TPI1: variants seen among roughly 807,000 people sequenced by gnomAD.
The protein encoded by TPI1 is triosephosphate isomerase 1.
In TPI1, 11 loss-of-function variants were observed where a neutral mutation model predicts 31.0. That is an observed-to-expected ratio of 0.36 (90% confidence interval 0.22 to 0.59). The LOEUF (loss-of-function observed/expected upper bound fraction) is 0.59, where lower values mean the gene tolerates loss of function less well. Ranked by LOEUF, TPI1 falls within the 20% of genes least tolerant of loss-of-function variation. TPI1 has a pLI of 0.79. For missense variants in TPI1, 245 were observed against 319.7 expected (o/e 0.77, Z 1.78); for synonymous variants, 121 against 122.8 (o/e 0.99, Z 0.10).
Position 6,870,947 on chromosome 12 carries a change from C to A in TPI1, c.*564C>A. ...AAACAAGAACAGGTTTCTATAACAA[C>A]ATCTCTTACTATTTTTACTTGAAAA... On this transcript the variant is annotated 3_prime_UTR_variant, in exon 7 of 7. Transcript: ENST00000396705. The A allele has an allele frequency of 1.5e-6, 1 of 657,000 alleles. No homozygotes were observed. Among genetic ancestry groups the A allele is most frequent in the Non-Finnish European group, 2.8e-6 (1 of 362,560 alleles). The allele number at this position is 657,000 out of a possible 1,614,324, so 40.7% of individuals were successfully genotyped here. A position where few individuals can be genotyped will look rare whatever the true frequency, so the allele number is the denominator to read the frequency against.
At position 6,870,045 on chromosome 12, in the gene TPI1, C is replaced by G. The variant is rs909241229; in HGVS notation, c.544-4C>G. ...GTCTTACTTAGGCCAGCTTCTTGTT[C>G]TAGGCCCAGGAAGTACACGAGAAGC... On this transcript the variant is annotated splice_region_variant and splice_polypyrimidine_tract_variant and intron_variant, in intron 5 of 6. Coordinates refer to ENST00000396705, the MANE Select transcript of TPI1 (RefSeq NM_000365.6). 5.0e-6 allele frequency: 8 copies of G among 1,606,876 alleles called. No homozygotes were observed. In the Admixed American group the frequency reaches 1.2e-4, roughly 23 times the overall value.
upstream of TPI1, chr12:6,867,519 C>A: frequency 6.3e-7 from 1 of 1,593,772 alleles, no homozygotes; most frequent in South Asian, 1.1e-5. Context: ...TGGGCAGTGG[C>A]CGCGACTGCG....
intron 1 of TPI1, 82 bp from the exon 2 acceptor site, chr12:6,868,782 G>A (rs1555131992): frequency 2.6e-6 from 4 of 1,544,324 alleles, no homozygotes; most frequent in African/African-American, 2.7e-5. Context: ...AGGGCTGGGG[G>A]GCTCCAGGGC....
intron 1 of TPI1, chr12:6,868,311 C>T (rs778992615): frequency 1.6e-6 from 2 of 1,287,654 alleles, no homozygotes; most frequent in South Asian, 2.5e-5. Flanking sequence ...CGCAAGGCCT[C>T]TGAGTCAGTT....
In TPI1 at chr12:6,867,575, C is replaced by G; in HGVS notation, c.9C>G (p.Pro3=). MA[P]SRKFFVGGNW... ...GCCTCGGCTCCAGCGCCATGGCGCC[C>G]TCCAGGAAGTTCTTCGTTGGGGGAA... The change falls in exon 1 of 7, where the codon CCC becomes CCG. Residue 3 remains proline (P), a synonymous_variant. Transcript: ENST00000396705. 6 of 1,612,640 alleles carry G rather than the reference C, an allele frequency of 3.7e-6. No homozygotes were observed. Among genetic ancestry groups the G allele is most frequent in the Non-Finnish European group, 5.1e-6 (6 of 1,179,672 alleles).
At chr12:6,867,958 G>C in intron 1 of TPI1, 1 of 831,044 alleles carries the variant, frequency 1.2e-6, no homozygotes, top group Admixed American at 4.1e-5. Flanking sequence ...CCCGGGGCGC[G>C]CACTGGGGCT....
chr12:6,870,348 C>T lies in TPI1; in HGVS notation c.715C>T (p.Pro239Ser), dbSNP rs782349793. 1 of 1,614,024 alleles carries T rather than the reference C, an allele frequency of 6.2e-7. No homozygotes were observed. ...CCTTGTGGGTGGTGCTTCCCTCAAG[C>T]CCGAATTCGTGGACATCATCAATGC... ...GFLVGGASLK[P>S]EFVDIINAKQ Residue 239 changes from proline (P) to serine (S), a missense_variant, in exon 7 of 7, where the codon CCC (proline) becomes TCC (serine). This residue lies in a region of TPI1 where 127 missense variants were observed against 163.7 expected (regional missense o/e 0.78). Coordinates refer to ENST00000396705, the MANE Select transcript of TPI1 (RefSeq NM_000365.6).
In TPI1 at chr12:6,870,663, G is replaced by T. The variant is rs1944568090; in HGVS notation, c.*280G>T. 1 of 626,688 alleles carries T rather than the reference G, an allele frequency of 1.6e-6. No homozygotes were observed. Among genetic ancestry groups the T allele is most frequent in the South Asian group, 1.4e-5 (1 of 72,426 alleles). The allele number at this position is 626,688 out of a possible 1,614,324, so 38.8% of individuals were successfully genotyped here. The stretch of plus-strand genomic sequence containing the variant: ...AAGGCGTGGTGGGATTTGCTCCTGG[G>T]TTCCCTAGGCCCTAGTGAGGGCAGA... On this transcript the variant is annotated 3_prime_UTR_variant, in exon 7 of 7. Coordinates refer to ENST00000396705, the MANE Select transcript of TPI1 (RefSeq NM_000365.6).
intron 2 of TPI1, 46 bp downstream of exon 2, chr12:6,869,033 TC>T (rs1396206380): frequency 1.9e-6 from 3 of 1,614,178 alleles, no homozygotes; most frequent in Non-Finnish European, 8.5e-7. Context: ...TCCCTCACTT[TC>T]CTCGTTGAGG....
Position 6,867,645 on chromosome 12 carries a change from G to C in TPI1, c.79G>C (p.Gly27Arg), listed in dbSNP as rs1591614894. The C allele has an allele frequency of 1.2e-6, 2 of 1,611,788 alleles. No individual in the cohort carries two copies. Among genetic ancestry groups the C allele is most frequent in the Non-Finnish European group, 1.7e-6 (2 of 1,179,346 alleles). The change falls in exon 1 of 7, where the codon GGC becomes CGC. Residue 27 changes from glycine (G) to arginine (R), a missense_variant. Coordinates refer to ENST00000396705, the MANE Select transcript of TPI1 (RefSeq NM_000365.6). ...GRKQSLGELI[G>R]TLNAAKVPAD... ...GAAGCAGAGTCTGGGGGAGCTCATC[G>C]GCACTCTGAACGCGGCCAAGGTGCC...
In TPI1 at chr12:6,868,901, C is replaced by T. The variant is rs781883266; in HGVS notation, c.153C>T (p.Phe51=). ...CTCCCCCTACTGCCTATATCGACTT[C>T]GCCCGGCAGAAGCTAGATCCCAAGA... ...VCAPPTAYID[F]ARQKLDPKIA... Residue 51 remains phenylalanine, a synonymous_variant, in exon 2 of 7, where the codon TTC becomes TTT. Transcript: ENST00000396705. 1.7e-5 allele frequency: 27 copies of T among 1,613,840 alleles called. No homozygotes were observed. Among genetic ancestry groups the T allele is most frequent in the African/African-American group, 4.0e-5 (3 of 74,918 alleles).
Position 6,870,117 on chromosome 12 carries a change from C to T in TPI1, c.612C>T (p.Ser204=), listed in dbSNP as rs1315803122. The T allele has an allele frequency of 1.9e-6, 3 of 1,614,116 alleles. No individual in the cohort carries two copies. Among genetic ancestry groups the T allele is most frequent in the East Asian group, 4.5e-5 (2 of 44,886 alleles). Residue 204 remains serine, a synonymous_variant, in exon 6 of 7, where the codon AGC becomes AGT. Transcript: ENST00000396705. ...ACGTCTCTGATGCGGTGGCTCAGAG[C>T]ACCCGTATCATTTATGGAGGTGAGT... The part of the protein sequence containing the change: ...KSNVSDAVAQ[S]TRIIYGGSVT...
rs1944529088 is a variant in TPI1, at chr12:6,869,273, G to A, written c.340G>A (p.Val114Met). The A allele has an allele frequency of 5.0e-6, 8 of 1,614,104 alleles. No individual in the cohort carries two copies. The highest frequency in any genetic ancestry group is 6.8e-6 in the Non-Finnish European group (8 of 1,179,940). ...GESDELIGQK[V>M]AHALAEGLGV... Reference sequence around the variant, plus strand: ...TTCTCAACAGCTGATTGGGCAGAAAGTGGCCCATGCTCTGGCAGAGGGACT... The same window carrying A: ...TTCTCAACAGCTGATTGGGCAGAAAATGGCCCATGCTCTGGCAGAGGGACT... The change falls in exon 4 of 7, where the codon GTG (valine) becomes ATG (methionine). Residue 114 changes from valine to methionine, a missense_variant. Val to Met is a conservative substitution (Grantham distance 21). This residue lies in a region of TPI1 where 23 missense variants were observed against 59.6 expected (regional missense o/e 0.39). Coordinates refer to ENST00000396705, the MANE Select transcript of TPI1 (RefSeq NM_000365.6).
chr12:6,870,190 C>A, intron 6 of TPI1, 54 bp downstream of exon 6: 2 of 1,596,882 alleles, frequency 1.3e-6, no homozygotes, highest in African/African-American at 1.3e-5. Flanking sequence ...CTAGACTGAG[C>A]CCTCGGACAT....
rs1476694401 is a variant in TPI1, at chr12:6,869,948, TCTGA to T, written c.544-98_544-95del. The T allele has an allele frequency of 2.1e-6, 3 of 1,462,176 alleles. No homozygotes were observed. The Admixed American group carries it at 5.1e-5, about 25-fold the overall frequency. 90.6% of individuals were successfully genotyped at this position (1,462,176 alleles called of 1,614,324 possible). A position where few individuals can be genotyped will look rare whatever the true frequency, so the allele number is the denominator to read the frequency against. The stretch of plus-strand genomic sequence containing the variant: ...CTGGCTTGGATCAGAGCCCTGGTAC[TCTGA>T]CTCAGTCAGAAACCACACTAAGTGT... On this transcript the variant is annotated intron_variant, in intron 5 of 6. Transcript: ENST00000396705.
At chr12:6,870,019 G>T in intron 5 of TPI1, 30 bp from the exon 6 acceptor site, 1 of 1,613,146 alleles carries the variant, frequency 6.2e-7, no homozygotes. Flanking sequence ...AGGCAGAAAA[G>T]GTCTTACTTA....
chr12:6,868,881 C>T lies in TPI1; in HGVS notation c.133C>T (p.Pro45Ser). Residue 45 changes from proline (P) to serine (S), a missense_variant, in exon 2 of 7, where the codon CCT (proline) becomes TCT (serine). Coordinates refer to ENST00000396705, the MANE Select transcript of TPI1 (RefSeq NM_000365.6). Reference protein sequence around the residue: ...PADTEVVCAPPTAYIDFARQK... With the variant: ...PADTEVVCAPSTAYIDFARQK... ...GTCCTCAGAGGTGGTTTGTGCTCCC[C>T]CTACTGCCTATATCGACTTCGCCCG... 5 of 1,613,500 alleles carry T rather than the reference C, an allele frequency of 3.1e-6. No individual in the cohort carries two copies. The highest frequency in any genetic ancestry group is 4.2e-6 in the Non-Finnish European group (5 of 1,179,862).
intron 4 of TPI1, 107 bp downstream of exon 4, chr12:6,869,497 GAA>G: frequency 6.4e-7 from 1 of 1,563,970 alleles, no homozygotes; most frequent in South Asian, 1.1e-5. Context: ...TCCAGAAAAG[GAA>G]AAAGGGGAGG....
In TPI1 at chr12:6,867,542, C is replaced by G. The variant is rs782763765; in HGVS notation, c.-25C>G. ...GGCCGCGACTGCGCGCAGACACTGA[C>G]CTTCAGCGCCTCGGCTCCAGCGCCA... is the stretch of plus-strand genomic sequence containing the variant. On this transcript the variant is annotated 5_prime_UTR_variant, in exon 1 of 7. Transcript: ENST00000396705. The G allele has an allele frequency of 4.3e-6, 7 of 1,609,326 alleles. No homozygotes were observed. The highest frequency in any genetic ancestry group is 3.3e-5 in the South Asian group (3 of 90,606).
Sources: allele counts gnomAD v4.1 joint callset, GRCh38; gene constraint gnomAD v4.1.1; regional missense constraint gnomAD v4.1.1; transcripts MANE v1.5; gene names NCBI Gene and HGNC (gene_info 2026-07-23, HGNC 2026-07-21).